ASCC3: variants seen among roughly 807,000 people sequenced by gnomAD.
ASCC3 encodes the protein ASC-1 complex subunit P200.
A neutral mutation model predicts 256.3 loss-of-function variants in ASCC3; 158 were observed. That is an observed-to-expected ratio of 0.62 (90% confidence interval 0.54 to 0.70). The LOEUF is 0.70. Among genes scored for constraint, ASCC3 ranks in the 30% least tolerant of loss-of-function variants. The probability of loss-of-function intolerance (pLI) is 0.00; values close to 1 mark genes in which losing one functional copy is unlikely to be tolerated. For synonymous variants in ASCC3, 948 were observed against 883.4 expected, an observed-to-expected ratio of 1.07 and a Z score of -1.30; for missense variants, 2,259 against 2,626.0, an observed-to-expected ratio of 0.86 and a Z score of 3.05.
At chr6:100,697,313 C>G (rs1262562685) in intron 13 of ASCC3, among the ~76,000 whole-genome samples, 5 of 151,344 alleles carry the variant, frequency 3.3e-5, no homozygotes, top group Non-Finnish European at 7.4e-5. Flanking sequence ...CTGCTTGAGA[C>G]ATAAAGATGG....
At chr6:100,785,922 AC>A (rs1201412905) in intron 8 of ASCC3, among the ~76,000 whole-genome samples, 2 of 152,176 alleles carry the variant, frequency 1.3e-5, no homozygotes, top group African/African-American at 4.8e-5. Flanking sequence ...GAGAGAAAAA[AC>A]AAACAATAGC....
intron 4 of ASCC3, among the ~76,000 whole-genome samples, chr6:100,818,265 T>A (rs187047347): frequency 2.0e-5 from 3 of 152,166 alleles, no homozygotes; most frequent in Admixed American, 2.0e-4. Flanking sequence ...TGATCAAGGG[T>A]ATCTGTGAAA....
intron 24 of ASCC3, 41 bp from the exon 25 acceptor site, chr6:100,638,862 A>G (rs2114883977): frequency 6.9e-7 from 1 of 1,449,496 alleles, no homozygotes; most frequent in East Asian, 2.3e-5. Context: ...CAATTGAAAA[A>G]CACGCATAAT....
intron 13 of ASCC3, among the ~76,000 whole-genome samples, chr6:100,714,108 C>CA (rs1404103402): frequency 2.0e-5 from 3 of 152,164 alleles, no homozygotes; most frequent in Non-Finnish European, 4.4e-5. Flanking sequence ...TATTGGAACA[C>CA]AGTTGCACCC....
chr6:100,663,395 T>A (rs1582656291), intron 14 of ASCC3, among the ~76,000 whole-genome samples: 2 of 152,104 alleles, frequency 1.3e-5, no homozygotes, highest in Non-Finnish European at 2.9e-5. Flanking sequence ...TCCTATTCCA[T>A]CCAGCCCAGA....
At chr6:100,730,614 C>A (rs142981597) in intron 10 of ASCC3, among the ~76,000 whole-genome samples, 2 of 152,104 alleles carry the variant, frequency 1.3e-5, no homozygotes, top group African/African-American at 4.8e-5. Context: ...ATAAATTATA[C>A]GGATGTTTTA....
chr6:100,859,132 A>G (rs569267646), intron 3 of ASCC3: 2 of 780,034 alleles, frequency 2.6e-6, no homozygotes, highest in East Asian at 4.9e-5. Context: ...TGAATCTGTC[A>G]GAAGCTCTGC....
At position 100,638,640 on chromosome 6, in the gene ASCC3, T is replaced by A; in HGVS notation, c.4083A>T (p.Leu1361Phe). The change falls in exon 25 of 42, where the codon TTA becomes TTT. Residue 1361 changes from leucine to phenylalanine, a missense_variant. Leu to Phe is a conservative substitution (Grantham distance 22). Coordinates refer to ENST00000369162, the MANE Select transcript of ASCC3 (RefSeq NM_006828.4). Reference protein sequence around the residue: ...TGSGKTVAAELAIFRVFNKYP... With the variant: ...TGSGKTVAAEFAIFRVFNKYP... ...ATTTGTTGAAGACTCTGAAAATGGC[T>A]AATTCAGCTGCAACAGTCTTTCCCG... The A allele has an allele frequency of 6.2e-7, 1 of 1,614,072 alleles. No individual in the cohort carries two copies. Among genetic ancestry groups the A allele is most frequent in the Non-Finnish European group, 8.5e-7 (1 of 1,179,902 alleles).
chr6:100,517,964 A>C, intron 38 of ASCC3, 27 bp downstream of exon 38: 1 of 1,609,156 alleles, frequency 6.2e-7, no homozygotes, highest in Non-Finnish European at 8.5e-7. Flanking sequence ...AAAACAAAAC[A>C]ATTACATTGA....
intron 30 of ASCC3, among the ~76,000 whole-genome samples, chr6:100,619,951 T>C (rs1466378527): frequency 6.6e-6 from 1 of 152,022 alleles, no homozygotes; most frequent in Non-Finnish European, 1.5e-5. Flanking sequence ...TGGAGAGGGA[T>C]GAGTGGATTT....
chr6:100,554,816 TA>T (rs1365168273), intron 36 of ASCC3, among the ~76,000 whole-genome samples: 8 of 151,734 alleles, frequency 5.3e-5, no homozygotes, highest in Admixed American at 1.3e-4. Flanking sequence ...TATCAACGGA[TA>T]AAAAAAATGC....
At chr6:100,854,561 A>G (rs1772846460) in intron 3 of ASCC3, among the ~76,000 whole-genome samples, 1 of 152,234 alleles carries the variant, frequency 6.6e-6, no homozygotes, top group African/African-American at 2.4e-5. Flanking sequence ...GTAGTACAAA[A>G]GATTAAAAAT....
intron 2 of ASCC3, among the ~76,000 whole-genome samples, chr6:100,864,528 T>A (rs187623761): frequency 1.3e-5 from 2 of 152,358 alleles, no homozygotes. Flanking sequence ...TTATTATTGT[T>A]ACTGATAACA....
chr6:100,717,586 T>A (rs930322561), intron 12 of ASCC3, among the ~76,000 whole-genome samples: 3 of 151,940 alleles, frequency 2.0e-5, no homozygotes, highest in African/African-American at 7.2e-5. Context: ...CATTTATATA[T>A]ATAATAATAA....
intron 10 of ASCC3, among the ~76,000 whole-genome samples, chr6:100,745,516 A>C (rs1320088903): frequency 9.6e-5 from 14 of 145,534 alleles, no homozygotes; most frequent in Non-Finnish European, 1.5e-4. Context: ...AAAAAAAAAA[A>C]CAAAAAACAA....
intron 14 of ASCC3, 48 bp downstream of exon 14, chr6:100,679,570 A>T: frequency 6.2e-7 from 1 of 1,611,338 alleles, no homozygotes. Flanking sequence ...AATACCCGGG[A>T]TATGTGGCAT....
chr6:100,827,828 C>A (rs1771396934), intron 4 of ASCC3, among the ~76,000 whole-genome samples: 1 of 151,932 alleles, frequency 6.6e-6, no homozygotes, highest in African/African-American at 2.4e-5. Context: ...CAGATTTTAT[C>A]ATTTTTTTCA....
intron 3 of ASCC3, among the ~76,000 whole-genome samples, chr6:100,860,749 G>A (rs1358669408): frequency 6.6e-6 from 1 of 152,024 alleles, no homozygotes; most frequent in Non-Finnish European, 1.5e-5. Flanking sequence ...AGGACACAAT[G>A]GGGAAAGTTA....
intron 1 of ASCC3, among the ~76,000 whole-genome samples, chr6:100,870,753 T>C (rs951146506): frequency 2.0e-5 from 3 of 152,150 alleles, no homozygotes; most frequent in South Asian, 2.1e-4. Context: ...CAGGAGAGCA[T>C]GGAAATAAGA....
Sources: gnomAD v4.1 joint callset for allele counts (sites outside exome capture counted in the v4.1 genomes callset) on GRCh38, gnomAD v4.1.1 for gene constraint, MANE v1.5 for transcripts, NCBI Gene and HGNC (gene_info 2026-07-23, HGNC 2026-07-21) for gene names.